HS2ST1: variants seen among roughly 807,000 people sequenced by gnomAD.
HS2ST1 encodes heparan sulfate 2-O-sulfotransferase 1.
Under a neutral mutation model 42.9 loss-of-function variants are expected in HS2ST1, and 18 were observed. The ratio of observed to expected loss-of-function variants is 0.42; its 90% CI spans 0.29 to 0.62. The LOEUF is 0.62. Ranked by LOEUF, HS2ST1 falls within the 20% of genes least tolerant of loss-of-function variation. The pLI is 0.21. For missense variants in HS2ST1, 334 were observed against 433.8 expected (o/e 0.77, Z 2.04); for synonymous variants, 146 against 152.9 (o/e 0.95, Z 0.33).
At chr1:86,955,907 A>C (rs960579100) in intron 1 of HS2ST1, among the ~76,000 whole-genome samples, 1 of 152,168 alleles carries the variant, frequency 6.6e-6, no homozygotes, top group Non-Finnish European at 1.5e-5. Context: ...GGATCACTGG[A>C]GTCCTGGAGG....
At chr1:86,990,834 ATATTTTTT>A (rs1255293679) in intron 1 of HS2ST1, among the ~76,000 whole-genome samples, 124 of 18,230 alleles carry the variant, frequency 6.8e-3, no homozygotes, top group South Asian at 0.041. Flanking sequence ...ATATATATAT[ATATTTTTT>A]TTTTTTTTTT....
chr1:86,935,607 C>T (rs866558616), intron 1 of HS2ST1, among the ~76,000 whole-genome samples: 12 of 151,470 alleles, frequency 7.9e-5, no homozygotes, highest in South Asian at 2.1e-4. Context: ...AGATTCCAGG[C>T]GTGCACCACC....
intron 1 of HS2ST1, among the ~76,000 whole-genome samples, chr1:86,966,180 G>A (rs1466883116): frequency 1.3e-5 from 2 of 152,182 alleles, no homozygotes; most frequent in Non-Finnish European, 2.9e-5. Flanking sequence ...CTCCTTCCAT[G>A]GTCCAAATGT....
intron 4 of HS2ST1, among the ~76,000 whole-genome samples, chr1:87,097,497 G>T (rs1385170582): frequency 6.6e-6 from 1 of 152,082 alleles, no homozygotes; most frequent in Non-Finnish European, 1.5e-5. Flanking sequence ...GGGTTCAAGC[G>T]ATTCTCCCGC....
At chr1:86,922,748 C>A (rs935211711) in intron 1 of HS2ST1, among the ~76,000 whole-genome samples, 2 of 151,902 alleles carry the variant, frequency 1.3e-5, no homozygotes, top group African/African-American at 4.8e-5. Context: ...TCCTCTTTTG[C>A]CTACTTTTAA....
chr1:87,101,512 C>A (rs1277922088), intron 5 of HS2ST1, among the ~76,000 whole-genome samples: 1 of 152,106 alleles, frequency 6.6e-6, no homozygotes, highest in Admixed American at 6.6e-5. Flanking sequence ...AGAACTTGGA[C>A]ACCACATAGC....
chr1:87,038,606 A>G (rs1407820723), intron 1 of HS2ST1, among the ~76,000 whole-genome samples: 1 of 152,194 alleles, frequency 6.6e-6, no homozygotes, highest in African/African-American at 2.4e-5. Context: ...TTAAAAAGGA[A>G]CAAGGAAGGT....
At chr1:87,013,790 C>T (rs1239186838) in intron 1 of HS2ST1, among the ~76,000 whole-genome samples, 2 of 152,174 alleles carry the variant, frequency 1.3e-5, no homozygotes, top group African/African-American at 4.8e-5. Flanking sequence ...GCACCCAAGT[C>T]ACCTCTTGAA....
At chr1:86,926,850 C>T (rs757880133) in intron 1 of HS2ST1, among the ~76,000 whole-genome samples, 4 of 152,156 alleles carry the variant, frequency 2.6e-5, no homozygotes, top group African/African-American at 4.8e-5. Context: ...GAAAGTTAGG[C>T]GAGACTTATC....
In HS2ST1 at chr1:87,104,620, T is replaced by C. The variant is rs758716299; in HGVS notation, c.995T>C (p.Val332Ala). 1 of 1,613,754 alleles carries C rather than the reference T, an allele frequency of 6.2e-7. No homozygotes were observed. The highest frequency in any genetic ancestry group is 1.3e-5 in the African/African-American group (1 of 75,040). The change falls in exon 7 of 7, where the codon GTT becomes GCT. Residue 332 changes from valine to alanine, a missense_variant. Val to Ala is a moderately conservative substitution (Grantham distance 64). Transcript: ENST00000370550. Reference sequence around the variant, plus strand: ...TTCCAATTCATCAGAGCCCATGCCGTTCGAGAAAAAGATGGAGACCTCTAC... The same window carrying C: ...TTCCAATTCATCAGAGCCCATGCCGCTCGAGAAAAAGATGGAGACCTCTAC... ...EQFQFIRAHA[V>A]REKDGDLYIL... is the part of the protein sequence containing the mutation.
intron 1 of HS2ST1, among the ~76,000 whole-genome samples, chr1:86,926,599 A>G (rs886259069): frequency 2.6e-5 from 4 of 152,182 alleles, no homozygotes; most frequent in African/African-American, 9.7e-5. Context: ...GTTTCAGGTA[A>G]GAGGGTAAAT....
At position 87,030,404 on chromosome 1, in the gene HS2ST1, A is replaced by T. The variant is rs557586057; in HGVS notation, c.125-42530A>T. On this transcript the variant is annotated intron_variant, in intron 1 of 6. Coordinates refer to ENST00000370550, the MANE Select transcript of HS2ST1 (RefSeq NM_012262.4). The stretch of plus-strand genomic sequence containing the variant: ...TCCTAGATACTTGGGAGGCTGAAGC[A>T]GGAGGATCGCTTGAGCCCAAGAGTT... Among the ~76,000 whole-genome samples the T allele has an allele frequency of 9.2e-5, 14 of 152,208 alleles. No individual in the cohort carries two copies. The South Asian group carries it at 2.9e-3, about 32-fold the overall frequency.
chr1:87,023,465 T>A (rs1181734976), intron 1 of HS2ST1, among the ~76,000 whole-genome samples: 2 of 146,538 alleles, frequency 1.4e-5, no homozygotes. Context: ...CAAGATATGT[T>A]AAAAAAAAAA....
intron 1 of HS2ST1, among the ~76,000 whole-genome samples, chr1:86,956,943 A>T (rs1647694324): frequency 6.6e-6 from 1 of 152,192 alleles, no homozygotes; most frequent in Non-Finnish European, 1.5e-5. Flanking sequence ...GGACAGTAAA[A>T]ATACATTATA....
intron 1 of HS2ST1, among the ~76,000 whole-genome samples, chr1:86,920,476 C>T (rs1479589070): frequency 6.6e-6 from 1 of 150,662 alleles, no homozygotes; most frequent in East Asian, 1.9e-4. Flanking sequence ...AATAGGAATA[C>T]AGTTATTCTA....
chr1:86,998,641 A>T (rs571911520), intron 1 of HS2ST1, among the ~76,000 whole-genome samples: 1 of 152,182 alleles, frequency 6.6e-6, no homozygotes, highest in East Asian at 1.9e-4. Flanking sequence ...TTCTGTTTCC[A>T]TACACACACG....
chr1:87,017,795 T>G (rs1030613467), intron 1 of HS2ST1, among the ~76,000 whole-genome samples: 2 of 152,190 alleles, frequency 1.3e-5, no homozygotes, highest in African/African-American at 4.8e-5. Flanking sequence ...TTTGCTTTTT[T>G]ATTTTTGATT....
intron 1 of HS2ST1, among the ~76,000 whole-genome samples, chr1:86,944,826 C>G (rs1393088242): frequency 6.6e-6 from 1 of 151,760 alleles, no homozygotes; most frequent in Non-Finnish European, 1.5e-5. Flanking sequence ...ACTTCCTAGG[C>G]CTTTTTGCTT....
chr1:87,073,846 AT>A (rs1479642116), intron 2 of HS2ST1, among the ~76,000 whole-genome samples: 1 of 152,218 alleles, frequency 6.6e-6, no homozygotes, highest in East Asian at 1.9e-4. Context: ...CTCTATAAAT[AT>A]GGAAGGGCAT....
Sources: gnomAD v4.1 joint callset for allele counts (sites outside exome capture counted in the v4.1 genomes callset) on GRCh38, gnomAD v4.1.1 for gene constraint, MANE v1.5 for transcripts, NCBI Gene and HGNC (gene_info 2026-07-23, HGNC 2026-07-21) for gene names.